LRRC49: variants seen among roughly 807,000 people sequenced by gnomAD.
The protein encoded by LRRC49 is leucine rich repeat containing 49.
In LRRC49, 50 loss-of-function variants were observed where a neutral mutation model predicts 83.3. The ratio of observed to expected loss-of-function variants is 0.60; its 90% CI spans 0.48 to 0.76. The LOEUF (loss-of-function observed/expected upper bound fraction) is 0.76. Ranked by LOEUF, LRRC49 falls within the 30% of genes least tolerant of loss-of-function variation. The pLI is 0.00. For synonymous variants in LRRC49, 286 were observed against 283.3 expected, an observed-to-expected ratio of 1.01 and a Z score of -0.10; for missense variants, 704 against 809.1, an observed-to-expected ratio of 0.87 and a Z score of 1.58.
chr15:70,911,422 A>T (rs2034546065), intron 5 of LRRC49, 110 bp from the exon 6 acceptor site: 1 of 565,088 alleles, frequency 1.8e-6, no homozygotes, highest in Admixed American at 3.4e-5. Flanking sequence ...ATAACTATAT[A>T]TGTAGATAGA....
chr15:70,876,921 G>A (rs926876413), intron 2 of LRRC49, among the ~76,000 whole-genome samples: 5 of 152,058 alleles, frequency 3.3e-5, no homozygotes, highest in South Asian at 4.1e-4. Context: ...AGGCCATTCC[G>A]CTTGTTCTGG....
In LRRC49 at chr15:70,963,916, A is replaced by T; in HGVS notation, c.905A>T (p.Asp302Val). ...AATATGATGCAGCTGCGCCAGCTAG[A>T]TATGAAGAGAATCACGGTGAGAACC... ...LQNMMQLRQL[D>V]MKRITEEERR... Residue 302 changes from aspartate (D) to valine (V), a missense_variant, in exon 9 of 16, where the codon GAT (aspartate) becomes GTT (valine). Transcript: ENST00000260382. 3 of 1,613,276 alleles carry T rather than the reference A, an allele frequency of 1.9e-6. No individual in the cohort carries two copies. The highest frequency in any genetic ancestry group is 2.5e-6 in the Non-Finnish European group (3 of 1,179,486).
chr15:70,853,972 C>T (rs2032570375), intron 1 of LRRC49: 1 of 1,460,346 alleles, frequency 6.8e-7, no homozygotes, highest in African/African-American at 1.5e-5. Flanking sequence ...CGCCCCGAGT[C>T]TCCGCCCCCT....
chr15:70,873,196 A>G, exon 2 of LRRC49: 1 of 1,535,966 alleles, frequency 6.5e-7, no homozygotes. Context: ...ACTTGACATA[A>G]CTTTTAAAGA....
chr15:71,044,204 G>A (rs2039781586), intron 15 of LRRC49, among the ~76,000 whole-genome samples: 1 of 152,190 alleles, frequency 6.6e-6, no homozygotes, highest in East Asian at 1.9e-4. Context: ...ATTTCAGAGT[G>A]AGGGAAGATC....
At chr15:70,900,873 A>C in intron 3 of LRRC49, 49 bp from the exon 4 acceptor site, 4 of 1,112,386 alleles carry the variant, frequency 3.6e-6, no homozygotes, top group Non-Finnish European at 5.4e-6. Flanking sequence ...TTAGTTTCAG[A>C]CTTCGAAGGT....
upstream of LRRC49, among the ~76,000 whole-genome samples, chr15:70,890,888 G>C (rs1039760634): frequency 7.9e-5 from 12 of 152,226 alleles, no homozygotes; most frequent in African/African-American, 2.4e-5. Flanking sequence ...GTTAGGGCTA[G>C]TGTGGTATGC....
At chr15:70,967,218 A>G (rs947653061) in intron 9 of LRRC49, among the ~76,000 whole-genome samples, 1 of 152,126 alleles carries the variant, frequency 6.6e-6, no homozygotes, top group African/African-American at 2.4e-5. Context: ...GGAGACAACT[A>G]TGTCTGACAG....
chr15:70,987,161 G>C (rs1231277434), intron 11 of LRRC49, among the ~76,000 whole-genome samples: 1 of 152,302 alleles, frequency 6.6e-6, no homozygotes. Flanking sequence ...AAATGAGTTA[G>C]GGAGGATTCC....
At chr15:70,896,308 C>A (rs1301180168) in intron 3 of LRRC49, among the ~76,000 whole-genome samples, 1 of 152,090 alleles carries the variant, frequency 6.6e-6, no homozygotes, top group Non-Finnish European at 1.5e-5. Flanking sequence ...AAGAAACAAT[C>A]TTTCCCTGTT....
intron 11 of LRRC49, among the ~76,000 whole-genome samples, chr15:70,992,669 G>C (rs1239312956): frequency 6.6e-6 from 1 of 152,228 alleles, no homozygotes; most frequent in African/African-American, 2.4e-5. Flanking sequence ...GTTTGCCTGG[G>C]TATCAGCAGC....
At chr15:70,891,834 C>G (rs1334222293), upstream of LRRC49, 2 of 1,552,196 alleles carry the variant, frequency 1.3e-6, no homozygotes, top group Non-Finnish European at 1.7e-6. Flanking sequence ...CTTCGGTGGT[C>G]TCTCTTTACC....
At chr15:70,884,287 C>G (rs1217772963) in intron 2 of LRRC49, among the ~76,000 whole-genome samples, 1 of 152,076 alleles carries the variant, frequency 6.6e-6, no homozygotes, top group Non-Finnish European at 1.5e-5. Context: ...CCTCCCAGCA[C>G]TTCGGGAGGC....
At chr15:70,934,254 G>A (rs1343366715) in intron 7 of LRRC49, among the ~76,000 whole-genome samples, 2 of 152,136 alleles carry the variant, frequency 1.3e-5, no homozygotes, top group East Asian at 1.9e-4. Context: ...GGTAAATACG[G>A]TGTTTTCTTT....
At chr15:70,884,567 TG>T (rs2033354903) in intron 2 of LRRC49, among the ~76,000 whole-genome samples, 1 of 152,004 alleles carries the variant, frequency 6.6e-6, no homozygotes, top group Non-Finnish European at 1.5e-5. Context: ...AAAGAAACTT[TG>T]TAAAGAAATT....
chr15:70,887,936 A>G (rs998577824), upstream of LRRC49, among the ~76,000 whole-genome samples: 6 of 152,216 alleles, frequency 3.9e-5, no homozygotes, highest in Admixed American at 2.0e-4. Flanking sequence ...AAAATTTAAA[A>G]TACCATTTAT....
In LRRC49 at chr15:70,919,459, A is replaced by G. The variant is rs1164359552; in HGVS notation, c.711+266A>G. 2.0e-5 allele frequency among the ~76,000 whole-genome samples: 3 copies of G among 152,234 alleles called. No individual in the cohort carries two copies. In the East Asian group the frequency reaches 5.8e-4, roughly 29 times the overall value. ...GAATCATTTGGTGTAAATGAGTAGT[A>G]AACCCTCTTCTGTTTTGTCATGGGT... On this transcript the variant is annotated intron_variant, in intron 7 of 15. Transcript: ENST00000260382.
At chr15:70,854,934 T>C (rs896575065) in intron 1 of LRRC49, among the ~76,000 whole-genome samples, 1 of 152,182 alleles carries the variant, frequency 6.6e-6, no homozygotes, top group African/African-American at 2.4e-5. Flanking sequence ...GCTATTGAAA[T>C]GTCAGGATGT....
At chr15:70,940,923 C>T (rs757802458) in intron 8 of LRRC49, among the ~76,000 whole-genome samples, 7 of 152,114 alleles carry the variant, frequency 4.6e-5, no homozygotes, top group Non-Finnish European at 8.8e-5. Flanking sequence ...ACACGTGATT[C>T]GCCTTCAGAC....
Sources: allele counts gnomAD v4.1 joint callset (sites outside exome capture counted in the v4.1 genomes callset), GRCh38; gene constraint gnomAD v4.1.1; transcripts MANE v1.5; gene names NCBI Gene and HGNC (gene_info 2026-07-23, HGNC 2026-07-21).